FRMD4A: variants seen among roughly 807,000 people sequenced by gnomAD.
FRMD4A encodes FERM domain containing 4A.
Under a neutral mutation model 129.1 loss-of-function variants are expected in FRMD4A, and 29 were observed. The observed-to-expected ratio is 0.22, with a 90% CI of 0.17 to 0.31. FRMD4A has a LOEUF of 0.31. FRMD4A is among the 10% of genes least tolerant of loss of function. The probability of loss-of-function intolerance (pLI) is 1.00; values close to 1 mark genes in which losing one functional copy is unlikely to be tolerated. For synonymous variants in FRMD4A, 634 were observed against 571.6 expected (o/e 1.11, Z -1.56); for missense variants, 1,272 against 1,375.8 (o/e 0.92, Z 1.19).
chr10:14,046,838 C>T (rs11258827), intron 2 of FRMD4A, among the ~76,000 whole-genome samples: 28,610 of 152,112 alleles, frequency 0.19, 3,605 homozygotes, highest in African/African-American at 0.36. Flanking sequence ...AGTTAATCCA[C>T]ACATGAGGAT....
intron 2 of FRMD4A, among the ~76,000 whole-genome samples, chr10:13,905,131 G>T (rs2094868413): frequency 6.6e-6 from 1 of 151,884 alleles, no homozygotes; most frequent in Admixed American, 6.6e-5. Flanking sequence ...ACAAGGACCA[G>T]TCGCAACACT....
intron 2 of FRMD4A, among the ~76,000 whole-genome samples, chr10:13,904,387 A>G (rs938737074): frequency 6.6e-6 from 1 of 152,138 alleles, no homozygotes; most frequent in Non-Finnish European, 1.5e-5. Flanking sequence ...CAGACGCCTC[A>G]TTCCCCGGGA....
chr10:14,131,316 C>A (rs1839237409), intron 2 of FRMD4A, among the ~76,000 whole-genome samples: 1 of 152,144 alleles, frequency 6.6e-6, no homozygotes, highest in Non-Finnish European at 1.5e-5. Flanking sequence ...GAGGGAGGAA[C>A]TCTAGAATGA....
At chr10:13,799,251 G>A (rs191871623) in intron 4 of FRMD4A, among the ~76,000 whole-genome samples, 18 of 152,264 alleles carry the variant, frequency 1.2e-4, no homozygotes, top group African/African-American at 3.1e-4. Context: ...TCCGCCCTCC[G>A]GGTTCAAGTA....
chr10:14,025,766 T>G (rs966597879), intron 2 of FRMD4A, among the ~76,000 whole-genome samples: 24 of 152,236 alleles, frequency 1.6e-4, no homozygotes, highest in African/African-American at 5.1e-4. Flanking sequence ...GGACCTCGTA[T>G]AAGTGAGATC....
At chr10:14,057,318 TC>T (rs1369978475) in intron 2 of FRMD4A, among the ~76,000 whole-genome samples, 1 of 152,004 alleles carries the variant, frequency 6.6e-6, no homozygotes, top group Non-Finnish European at 1.5e-5. Context: ...AAGAGAGACT[TC>T]CCCCCCATTC....
At chr10:13,739,462 T>C (rs1345579363) in intron 11 of FRMD4A, among the ~76,000 whole-genome samples, 1 of 152,212 alleles carries the variant, frequency 6.6e-6, no homozygotes, top group Non-Finnish European at 1.5e-5. Flanking sequence ...GTTTCCTGGA[T>C]TCGTGCTCTT....
In FRMD4A at chr10:13,787,355, C is replaced by T. The variant is rs147197380; in HGVS notation, c.300-4349G>A. On this transcript the variant is annotated intron_variant, in intron 5 of 24. Transcript: ENST00000357447. ...CAGAGAAACAGAGCTCAGACCTCTC[C>T]ACCCGCACGCCCAGAGAGGCATGGT... Among the ~76,000 whole-genome samples, 320 of 152,320 alleles carry T rather than the reference C, an allele frequency of 2.1e-3. 1 individual carries two copies. The highest frequency in any genetic ancestry group is 7.4e-3 in the African/African-American group (308 of 41,564).
chr10:14,031,925 A>T (rs534271185), intron 2 of FRMD4A, among the ~76,000 whole-genome samples: 1 of 152,038 alleles, frequency 6.6e-6, no homozygotes, highest in Non-Finnish European at 1.5e-5. Flanking sequence ...AGAATGATCA[A>T]TGATGTTTAA....
intron 2 of FRMD4A, among the ~76,000 whole-genome samples, chr10:14,151,663 A>G (rs1250166178): frequency 6.6e-6 from 1 of 152,148 alleles, no homozygotes; most frequent in Non-Finnish European, 1.5e-5. Flanking sequence ...TCATATATAT[A>G]TATGAAAAAA....
rs1843491633 is a variant in FRMD4A at position 14,330,900 on chromosome 10, T to C, written c.-385A>G. On this transcript the variant is annotated 5_prime_UTR_variant, in exon 1 of 25. Transcript: ENST00000357447. ...GTGAGCGTTCTGATCTCCCTGGCTG[T>C]ACCACATGTACGCCGCATACAGACA... is the stretch of plus-strand genomic sequence containing the variant. The C allele has an allele frequency of 5.0e-6, 2 of 398,502 alleles. No individual in the cohort carries two copies. Among genetic ancestry groups the C allele is most frequent in the Admixed American group, 8.8e-5 (2 of 22,712 alleles). 24.7% of individuals were successfully genotyped at this position (398,502 alleles called of 1,614,324 possible). A position where few individuals can be genotyped will look rare whatever the true frequency, so the allele number is the denominator to read the frequency against.
intron 6 of FRMD4A, among the ~76,000 whole-genome samples, chr10:13,780,599 C>T (rs1490318509): frequency 2.0e-5 from 3 of 152,166 alleles, no homozygotes; most frequent in African/African-American, 7.2e-5. Context: ...CACTAGTCTA[C>T]AGGGAAACGC....
chr10:14,105,557 A>T (rs1588985321), intron 2 of FRMD4A, among the ~76,000 whole-genome samples: 1 of 152,228 alleles, frequency 6.6e-6, no homozygotes, highest in Non-Finnish European at 1.5e-5. Context: ...TCTCTAAAAG[A>T]TAGAGATTTA....
intron 2 of FRMD4A, among the ~76,000 whole-genome samples, chr10:14,076,382 T>C (rs1000576345): frequency 6.6e-6 from 1 of 152,108 alleles, no homozygotes; most frequent in Non-Finnish European, 1.5e-5. Context: ...GGCTCATGCA[T>C]GTAATCCCAG....
At chr10:14,114,388 A>G (rs907713772) in intron 2 of FRMD4A, among the ~76,000 whole-genome samples, 13 of 152,196 alleles carry the variant, frequency 8.5e-5, no homozygotes, top group African/African-American at 1.9e-4. Context: ...CGGAAAGGGC[A>G]TATACCCATG....
In FRMD4A at chr10:14,240,450, C is replaced by T. The variant is rs1486362329; in HGVS notation, c.45+89608G>A. Reference sequence around the variant, plus strand: ...GTGCCACGATCTGCAGCGATTCCCACCCCTCCACATCCTGGCAAAGGTCTC... The same window carrying T: ...GTGCCACGATCTGCAGCGATTCCCATCCCTCCACATCCTGGCAAAGGTCTC... On this transcript the variant is annotated intron_variant, in intron 2 of 24. Coordinates refer to ENST00000357447, the MANE Select transcript of FRMD4A (RefSeq NM_018027.5). Among the ~76,000 whole-genome samples, 5 of 152,174 alleles carry T rather than the reference C, an allele frequency of 3.3e-5. No homozygotes were observed. In the South Asian group the frequency reaches 8.3e-4, roughly 25 times the overall value.
intron 2 of FRMD4A, among the ~76,000 whole-genome samples, chr10:14,144,606 A>G (rs569125958): frequency 7.2e-5 from 11 of 152,056 alleles, no homozygotes; most frequent in Non-Finnish European, 1.5e-5. Context: ...GCACTATTCT[A>G]TGTGTGATCA....
intron 2 of FRMD4A, among the ~76,000 whole-genome samples, chr10:14,303,109 T>C (rs1286069674): frequency 1.3e-5 from 2 of 152,322 alleles, no homozygotes; most frequent in Middle Eastern, 3.4e-3. Context: ...TAGAGAGCTT[T>C]TGAAAAACGC....
chr10:13,751,323 A>G (rs943910240), intron 8 of FRMD4A, among the ~76,000 whole-genome samples: 4 of 152,200 alleles, frequency 2.6e-5, no homozygotes, highest in African/African-American at 7.2e-5. Flanking sequence ...AAAAAATCTA[A>G]CAAGAAATCA....
Sources: gnomAD v4.1 joint callset for allele counts (sites outside exome capture counted in the v4.1 genomes callset) on GRCh38, gnomAD v4.1.1 for gene constraint, MANE v1.5 for transcripts, NCBI Gene and HGNC (gene_info 2026-07-23, HGNC 2026-07-21) for gene names.